LRRC8C: variants seen among roughly 807,000 people sequenced by gnomAD.
The protein encoded by LRRC8C is leucine rich repeat containing 8 VRAC subunit C.
In LRRC8C, 20 loss-of-function variants were observed where a neutral mutation model predicts 55.3. The ratio of observed to expected loss-of-function variants is 0.36; its 90% confidence interval spans 0.25 to 0.53. The LOEUF (loss-of-function observed/expected upper bound fraction) is 0.53. Among genes scored for constraint, LRRC8C ranks in the 20% least tolerant of loss-of-function variants. The pLI is 0.92. For synonymous variants in LRRC8C, 376 were observed against 360.7 expected (o/e 1.04, Z -0.48); for missense variants, 659 against 951.4 (o/e 0.69, Z 4.04).
intron 1 of LRRC8C, among the ~76,000 whole-genome samples, chr1:89,648,642 C>G (rs1271683533): frequency 6.6e-6 from 1 of 152,082 alleles, no homozygotes; most frequent in East Asian, 1.9e-4. Context: ...AATTCAATAG[C>G]TTTTATCATA....
the LRRC8C span, chr1:89,626,749 T>C: frequency 6.6e-6 from 1 of 152,108 alleles, no homozygotes; most frequent in Non-Finnish European, 1.5e-5. Context: ...AGTTTTGGGG[T>C]ACACCTACCC....
At chr1:89,696,424 G>A (rs1658174266) in intron 2 of LRRC8C, among the ~76,000 whole-genome samples, 1 of 152,084 alleles carries the variant, frequency 6.6e-6, no homozygotes, top group Non-Finnish European at 1.5e-5. Flanking sequence ...TCTCTGCTGT[G>A]CTCAGGTCAA....
At chr1:89,659,375 T>A (rs1657053317) in intron 1 of LRRC8C, among the ~76,000 whole-genome samples, 1 of 152,184 alleles carries the variant, frequency 6.6e-6, no homozygotes, top group African/African-American at 2.4e-5. Flanking sequence ...AAAAACAGAT[T>A]ACCTGGGTTG....
At chr1:89,652,264 A>T (rs983918100) in intron 1 of LRRC8C, among the ~76,000 whole-genome samples, 2 of 152,186 alleles carry the variant, frequency 1.3e-5, no homozygotes, top group African/African-American at 4.8e-5. Flanking sequence ...TGTGGGAAAG[A>T]TGAAAGGAAT....
upstream of LRRC8C, among the ~76,000 whole-genome samples, chr1:89,629,071 T>A (rs1656042917): frequency 6.6e-6 from 1 of 152,226 alleles, no homozygotes; most frequent in African/African-American, 2.4e-5. Flanking sequence ...AGTCCACATT[T>A]GACATTACCT....
upstream of LRRC8C, chr1:89,632,733 G>A (rs1364735234): frequency 6.6e-6 from 1 of 152,356 alleles, no homozygotes; most frequent in Non-Finnish European, 1.5e-5. Flanking sequence ...TGTGAGGGAT[G>A]AGGGGTGGAG....
intron 1 of LRRC8C, among the ~76,000 whole-genome samples, chr1:89,674,169 A>C (rs575384291): frequency 3.3e-4 from 50 of 152,342 alleles, no homozygotes; most frequent in African/African-American, 1.2e-3. Context: ...GAACATATCT[A>C]TCTTCAGAAA....
intron 1 of LRRC8C, among the ~76,000 whole-genome samples, chr1:89,642,898 A>ATCCCAGCTACTCAGGAGGCTGAGACAT (rs1656503787): frequency 6.6e-6 from 1 of 151,646 alleles, no homozygotes; most frequent in East Asian, 1.9e-4. Context: ...CGCACCTGTA[A>ATCCCAGCTACTCAGGAGGCTGAGACAT]TCCCAGCTAC....
intron 2 of LRRC8C, among the ~76,000 whole-genome samples, chr1:89,705,955 G>A (rs1658469776): frequency 2.0e-5 from 3 of 152,080 alleles, no homozygotes; most frequent in South Asian, 2.1e-4. Context: ...TAAGGAGGAA[G>A]AATCAACATC....
chr1:89,679,046 C>T (rs1431355430), intron 1 of LRRC8C, among the ~76,000 whole-genome samples: 1 of 151,892 alleles, frequency 6.6e-6, no homozygotes, highest in Non-Finnish European at 1.5e-5. Flanking sequence ...AACATTGAGG[C>T]CAGATGCAAT....
At chr1:89,641,054 T>C (rs1314046610) in intron 1 of LRRC8C, among the ~76,000 whole-genome samples, 1 of 152,176 alleles carries the variant, frequency 6.6e-6, no homozygotes, top group Non-Finnish European at 1.5e-5. Flanking sequence ...GTATTTAGAA[T>C]AGTATATGAC....
chr1:89,692,361 C>G (rs1658049991), intron 2 of LRRC8C, among the ~76,000 whole-genome samples: 1 of 152,108 alleles, frequency 6.6e-6, no homozygotes, highest in South Asian at 2.1e-4. Flanking sequence ...AATCCAACAG[C>G]TTTTAGAGTA....
intron 2 of LRRC8C, among the ~76,000 whole-genome samples, chr1:89,700,905 G>A (rs1313603567): frequency 6.6e-6 from 1 of 152,196 alleles, no homozygotes; most frequent in African/African-American, 2.4e-5. Flanking sequence ...TGGATCACAA[G>A]TTAACATATT....
intron 1 of LRRC8C, among the ~76,000 whole-genome samples, chr1:89,652,979 G>T (rs1656832391): frequency 6.6e-6 from 1 of 152,128 alleles, no homozygotes; most frequent in Non-Finnish European, 1.5e-5. Flanking sequence ...ACAGCAAGAA[G>T]GCCAGTGTGG....
chr1:89,712,844 A>T lies in LRRC8C; in HGVS notation c.274A>T (p.Ile92Phe). The change falls in exon 3 of 3, where the codon ATC becomes TTC. Residue 92 changes from isoleucine (I) to phenylalanine (F), a missense_variant. Ile to Phe is a conservative substitution (Grantham distance 21). This residue lies in a region of LRRC8C where 82 missense variants were observed against 71.4 expected (regional missense o/e 1.15). Transcript: ENST00000370454. ...ACCTAAACCATCTCCTGCTAACCCCATCACTGTGGAAATGAAAGGCCTGAA... is the reference window on the plus strand; with the variant it reads ...ACCTAAACCATCTCCTGCTAACCCCTTCACTGTGGAAATGAAAGGCCTGAA... Reference protein sequence around the residue: ...PPPKPSPANPITVEMKGLKTD... With the variant: ...PPPKPSPANPFTVEMKGLKTD... 4 of 1,614,098 alleles carry T rather than the reference A, an allele frequency of 2.5e-6. No homozygotes were observed. Among genetic ancestry groups the T allele is most frequent in the African/African-American group, 1.3e-5 (1 of 75,026 alleles).
At chr1:89,621,454 G>A in the LRRC8C span, among the ~76,000 whole-genome samples, 1 of 152,102 alleles carries the variant, frequency 6.6e-6, no homozygotes, top group African/African-American at 2.4e-5. Context: ...GCGACAGAGC[G>A]AGACACCATC....
At chr1:89,695,023 G>A (rs1428466351) in intron 2 of LRRC8C, among the ~76,000 whole-genome samples, 1 of 150,472 alleles carries the variant, frequency 6.6e-6, no homozygotes, top group Non-Finnish European at 1.5e-5. Context: ...CTGGGTTCAA[G>A]CAATTCACCT....
upstream of LRRC8C, chr1:89,632,648 C>A (rs1406610005): frequency 6.6e-6 from 1 of 152,382 alleles, no homozygotes; most frequent in Non-Finnish European, 1.5e-5. Flanking sequence ...CTGCTCCCCT[C>A]TAACTTACCC....
At chr1:89,658,097 A>G (rs576569955) in intron 1 of LRRC8C, among the ~76,000 whole-genome samples, 7 of 152,254 alleles carry the variant, frequency 4.6e-5, no homozygotes, top group Admixed American at 2.6e-4. Flanking sequence ...GAAACCACAA[A>G]TCTTGAAAAC....
Sources: allele counts gnomAD v4.1 joint callset (sites outside exome capture counted in the v4.1 genomes callset), GRCh38; gene constraint gnomAD v4.1.1; regional missense constraint gnomAD v4.1.1; transcripts MANE v1.5; gene names NCBI Gene and HGNC (gene_info 2026-07-23, HGNC 2026-07-21).